Variants in HUWE1 observed in about 807,000 individuals in gnomAD.
HUWE1 encodes the protein HECT, UBA and WWE domain containing E3 ubiquitin protein ligase 1.
HUWE1 carries 18 observed loss-of-function variants against 299.4 expected under a neutral mutation model. The ratio of observed to expected loss-of-function variants is 0.06; its 90% confidence interval spans 0.04 to 0.09. HUWE1 has a LOEUF of 0.09. Among genes scored for constraint, HUWE1 ranks in the 10% least tolerant of loss-of-function variants. The pLI is 1.00. For missense variants in HUWE1, 1,832 were observed against 3,462.3 expected (o/e 0.53, Z 11.82); for synonymous variants, 1,317 against 1,286.1 (o/e 1.02, Z -0.51).
In HUWE1 at chrX:53,589,777, G is replaced by C. The variant is rs1325872946; in HGVS notation, c.4231C>G (p.Arg1411Gly). Residue 1411 changes from arginine (R) to glycine (G), a missense_variant, in exon 36 of 84, where the codon CGG (arginine) becomes GGG (glycine). Coordinates refer to ENST00000262854, the MANE Select transcript of HUWE1 (RefSeq NM_031407.7). ...GCCTCTTCCTCCTCCTGCTTTTCCC[G>C]AGCTTTCCGTTCCTCTTCCTCCTTC... is the stretch of plus-strand genomic sequence containing the variant. ...CRKEEEERKA[R>G]EKQEEEEAKC... is the part of the protein sequence containing the mutation. The C allele has an allele frequency of 2.5e-6, 3 of 1,209,971 alleles. No homozygotes were observed.
At chrX:53,649,871 T>A (rs1235386384) in intron 4 of HUWE1, among the ~76,000 whole-genome samples, 1 of 112,305 alleles carries the variant, frequency 8.9e-6, no homozygotes, top group Non-Finnish European at 1.9e-5. Flanking sequence ...GTATGTCCCA[T>A]AACCAGGCAT....
At chrX:53,638,476 G>A (rs192229431) in intron 7 of HUWE1, among the ~76,000 whole-genome samples, 5 of 112,391 alleles carry the variant, frequency 4.4e-5, no homozygotes, top group African/African-American at 1.6e-4. Context: ...ATGCCACAGA[G>A]GCATATACAA....
intron 60 of HUWE1, chrX:53,556,241 G>A (rs782515496): frequency 9.6e-5 from 33 of 343,908 alleles, no homozygotes; most frequent in African/African-American, 8.4e-4. Flanking sequence ...CCACACACCA[G>A]GGAAAGTAGT....
intron 48 of HUWE1, 34 bp from the exon 49 acceptor site, chrX:53,568,908 AAT>A: frequency 8.9e-7 from 1 of 1,124,972 alleles, no homozygotes; most frequent in African/African-American, 1.8e-5. Context: ...CTATCATATG[AAT>A]ATAGCCATTT....
At chrX:53,683,351 T>G (rs782553170) in intron 2 of HUWE1, among the ~76,000 whole-genome samples, 1 of 110,071 alleles carries the variant, frequency 9.1e-6, no homozygotes, top group Non-Finnish European at 1.9e-5. Context: ...ACCGCGAGAG[T>G]TGGCGAAGAT....
At chrX:53,626,473 G>A (rs1168906831) in intron 17 of HUWE1, among the ~76,000 whole-genome samples, 2 of 111,362 alleles carry the variant, frequency 1.8e-5, no homozygotes, top group African/African-American at 3.3e-5. Flanking sequence ...AACACTGAAT[G>A]AGCAATGCAA....
intron 49 of HUWE1, 105 bp from the exon 50 acceptor site, chrX:53,565,344 G>C: frequency 3.9e-6 from 3 of 768,887 alleles, no homozygotes; most frequent in Non-Finnish European, 5.7e-6. Context: ...AAGAGAAAAG[G>C]GGCATAAGGT....
chrX:53,546,150 AG>A (rs782183814), intron 70 of HUWE1, among the ~76,000 whole-genome samples: 8 of 111,336 alleles, frequency 7.2e-5, no homozygotes, highest in Admixed American at 4.8e-4. Context: ...AGAAGAAAGG[AG>A]GCGCTGCTGT....
intron 7 of HUWE1, among the ~76,000 whole-genome samples, chrX:53,637,969 C>T (rs1256611089): frequency 1.8e-5 from 2 of 110,588 alleles, no homozygotes; most frequent in African/African-American, 6.6e-5. Flanking sequence ...AGTTCTTTGC[C>T]CTTATTATTA....
chrX:53,535,203 G>A lies in HUWE1; in HGVS notation c.12649+181C>T, dbSNP rs782207095. On this transcript the variant is annotated intron_variant, in intron 81 of 83. Transcript: ENST00000262854. ...GCCCACCTTGGCCTCCCAAAGTGCT[G>A]GGATTATAGGTGTGAGCCACCGTGC... 1.7e-4 allele frequency among the ~76,000 whole-genome samples: 19 copies of A among 111,824 alleles called. No individual in the cohort carries two copies. In the East Asian group the frequency reaches 5.1e-3, roughly 30 times the overall value.
chrX:53,637,028 C>T (rs1234210137), intron 7 of HUWE1, among the ~76,000 whole-genome samples: 1 of 112,392 alleles, frequency 8.9e-6, no homozygotes, highest in Non-Finnish European at 1.9e-5. Context: ...GCTTGTATAA[C>T]TTCATGTTTT....
chrX:53,574,108 C>A (rs781839187), intron 46 of HUWE1, 144 bp from the exon 47 acceptor site: 7 of 509,808 alleles, frequency 1.4e-5, no homozygotes, highest in Non-Finnish European at 2.4e-5. Flanking sequence ...AGTGCAAGAG[C>A]AGAGAACCAG....
chrX:53,536,165 G>A lies in HUWE1; in HGVS notation c.12513C>T (p.Asp4171=), dbSNP rs1556912782. The A allele has an allele frequency of 8.4e-7, 1 of 1,196,975 alleles. No homozygotes were observed. Among genetic ancestry groups the A allele is most frequent in the Non-Finnish European group, 1.1e-6 (1 of 882,391 alleles). Residue 4171 remains aspartate, a synonymous_variant, in exon 80 of 84, where the codon GAC becomes GAT. Coordinates refer to ENST00000262854, the MANE Select transcript of HUWE1 (RefSeq NM_031407.7). ...GACCTACCTCAGTGCTGAAGGTGAG[G>A]TCATAGCCTAGTGTGGAGACATCAT... ...LENDVSTLGY[D]LTFSTEVQEF...
At chrX:53,548,404 A>T in intron 67 of HUWE1, 131 bp from the exon 68 acceptor site, 1 of 768,761 alleles carries the variant, frequency 1.3e-6, no homozygotes, top group Non-Finnish European at 1.9e-6. Flanking sequence ...GATATGTCAT[A>T]TAAGAGTTTT....
intron 75 of HUWE1, 28 bp downstream of exon 75, chrX:53,539,629 G>A (rs1345109617): frequency 2.3e-5 from 28 of 1,206,155 alleles, no homozygotes; most frequent in Non-Finnish European, 3.0e-5. Context: ...CACTGGGTTG[G>A]GACCTGGGCC....
At chrX:53,600,073 A>G (rs1556988749) in intron 29 of HUWE1, 45 bp downstream of exon 29, 1 of 1,096,445 alleles carries the variant, frequency 9.1e-7, no homozygotes, top group Non-Finnish European at 1.3e-6. Context: ...TTCAAGACTA[A>G]GGGACTGAAA....
At chrX:53,675,562 G>A in intron 3 of HUWE1, among the ~76,000 whole-genome samples, 1 of 110,614 alleles carries the variant, frequency 9.0e-6, no homozygotes, top group East Asian at 2.8e-4. Context: ...CTCAAGGGCA[G>A]AGACCAAGTC....
intron 19 of HUWE1, among the ~76,000 whole-genome samples, chrX:53,620,874 T>C (rs1023055411): frequency 9.0e-6 from 1 of 110,796 alleles, no homozygotes; most frequent in Non-Finnish European, 1.9e-5. Context: ...CCACAGAAAA[T>C]TGAGGGCCCT....
chrX:53,552,177 C>T (rs1056988598), intron 63 of HUWE1, 134 bp downstream of exon 63: 9 of 704,280 alleles, frequency 1.3e-5, no homozygotes, highest in Non-Finnish European at 2.0e-5. Flanking sequence ...TACCAGCACC[C>T]CCGCTTATTG....
Sources: allele counts gnomAD v4.1 joint callset (sites outside exome capture counted in the v4.1 genomes callset), GRCh38; gene constraint gnomAD v4.1.1; transcripts MANE v1.5; gene names NCBI Gene and HGNC (gene_info 2026-07-23, HGNC 2026-07-21).